TIAM1: variants seen among roughly 807,000 people sequenced by gnomAD.
TIAM1 encodes rho guanine nucleotide exchange factor TIAM1.
Under a neutral mutation model 163.5 loss-of-function variants are expected in TIAM1, and 65 were observed. The observed-to-expected ratio is 0.40, with a 90% CI of 0.33 to 0.49. TIAM1 has a LOEUF of 0.49. TIAM1 is among the 20% of genes least tolerant of loss of function. The pLI, the probability that TIAM1 is intolerant of heterozygous loss-of-function variation, is 0.77. For synonymous variants in TIAM1, 833 were observed against 810.1 expected, an observed-to-expected ratio of 1.03 and a Z score of -0.48; for missense variants, 1,789 against 2,044.7, an observed-to-expected ratio of 0.87 and a Z score of 2.41.
intron 1 of TIAM1, chr21:31,558,844 A>ACCGAGGCTCCGGGCAT: frequency 6.6e-6 from 1 of 151,936 alleles, no homozygotes; most frequent in South Asian, 2.1e-4. Context: ...CGGCACGGGC[A>ACCGAGGCTCCGGGCAT]CCGAGGCTCC....
intron 2 of TIAM1, among the ~76,000 whole-genome samples, chr21:31,328,258 C>G (rs1373777962): frequency 4.6e-5 from 7 of 152,172 alleles, no homozygotes; most frequent in Non-Finnish European, 7.3e-5. Flanking sequence ...GTCGCCATTC[C>G]CTATCCACGG....
At chr21:31,182,958 T>G (rs1260185794) in intron 14 of TIAM1, among the ~76,000 whole-genome samples, 1 of 152,196 alleles carries the variant, frequency 6.6e-6, no homozygotes, top group Non-Finnish European at 1.5e-5. Flanking sequence ...CCGGTTATCT[T>G]CCTACACTTT....
chr21:31,142,053 C>T (rs956104533), intron 20 of TIAM1, among the ~76,000 whole-genome samples: 3 of 152,092 alleles, frequency 2.0e-5, no homozygotes, highest in African/African-American at 7.2e-5. Flanking sequence ...CCGGCCTCCC[C>T]AGTTCCTTCC....
chr21:31,241,650 T>C (rs1177317433), intron 6 of TIAM1, among the ~76,000 whole-genome samples: 1 of 152,120 alleles, frequency 6.6e-6, no homozygotes, highest in African/African-American at 2.4e-5. Context: ...GCCACATTTA[T>C]ATTATTTTAA....
At chr21:31,421,380 C>T (rs1037638764) in intron 2 of TIAM1, among the ~76,000 whole-genome samples, 3 of 152,058 alleles carry the variant, frequency 2.0e-5, no homozygotes, top group East Asian at 1.9e-4. Context: ...GGCTGCTGAC[C>T]GATACCAGTC....
At chr21:31,261,884 T>G (rs1450612319) in intron 4 of TIAM1, among the ~76,000 whole-genome samples, 1 of 152,136 alleles carries the variant, frequency 6.6e-6, no homozygotes, top group Non-Finnish European at 1.5e-5. Context: ...GCTGGTCTCC[T>G]GAGGCTGAGG....
intron 2 of TIAM1, among the ~76,000 whole-genome samples, chr21:31,315,679 CAAAAAAA>C (rs58560437): frequency 2.5e-5 from 2 of 80,250 alleles, no homozygotes; most frequent in South Asian, 4.1e-4. Flanking sequence ...AACTCCATCT[CAAAAAAA>C]AAAAAAAAAA....
At chr21:31,449,425 C>A (rs1444014098) in intron 2 of TIAM1, among the ~76,000 whole-genome samples, 1 of 152,128 alleles carries the variant, frequency 6.6e-6, no homozygotes, top group Non-Finnish European at 1.5e-5. Context: ...GTCTCCCAGG[C>A]TGGAGTACAG....
intron 20 of TIAM1, among the ~76,000 whole-genome samples, chr21:31,145,052 G>A (rs1247195159): frequency 6.6e-6 from 1 of 152,034 alleles, no homozygotes; most frequent in Non-Finnish European, 1.5e-5. Context: ...CTCTAAAATT[G>A]TTACTTTAAC....
At chr21:31,171,035 CAA>C (rs34291568) in intron 15 of TIAM1, among the ~76,000 whole-genome samples, 294 of 19,506 alleles carry the variant, frequency 0.015, no homozygotes, top group East Asian at 0.044. Context: ...GACTCCATCT[CAA>C]AAAAAAAAAA....
chr21:31,141,429 G>A lies in TIAM1; in HGVS notation c.3551C>T (p.Ser1184Leu). 2 of 1,614,218 alleles carry A rather than the reference G, an allele frequency of 1.2e-6. No homozygotes were observed. Among genetic ancestry groups the A allele is most frequent in the Non-Finnish European group, 1.7e-6 (2 of 1,180,040 alleles). Reference protein sequence around the residue: ...PKQQHSSTLESYLIKPIQRIL... With the variant: ...PKQQHSSTLELYLIKPIQRIL... Reference sequence around the variant, plus strand: ...CCTCTGGATGGGCTTGATGAGGTACGACTCCAGCGTGGATGAGTGCTGCTG... The same window carrying A: ...CCTCTGGATGGGCTTGATGAGGTACAACTCCAGCGTGGATGAGTGCTGCTG... Residue 1184 changes from serine to leucine, a missense_variant, in exon 21 of 28, where the codon TCG becomes TTG. Physicochemically the swap from Ser to Leu is moderately radical, Grantham distance 145. Transcript: ENST00000541036. This position sits in a 1 kb window ranked among gnomAD's most constrained non-coding sequence, Gnocchi z 4.7.
intron 2 of TIAM1, among the ~76,000 whole-genome samples, chr21:31,353,584 G>A (rs1041743): frequency 0.74 from 113,011 of 151,918 alleles, 42,160 homozygotes; most frequent in Middle Eastern, 0.79. Flanking sequence ...CCTCATGACA[G>A]CTCAGCAAGG....
intron 1 of TIAM1, among the ~76,000 whole-genome samples, chr21:31,543,959 C>G (rs182197414): frequency 6.6e-6 from 1 of 152,312 alleles, no homozygotes; most frequent in East Asian, 1.9e-4. Context: ...GCCTGTAATT[C>G]CAGGACTTTG....
intron 2 of TIAM1, among the ~76,000 whole-genome samples, chr21:31,362,915 A>AT (rs1478149012): frequency 2.0e-5 from 3 of 151,750 alleles, no homozygotes; most frequent in South Asian, 4.2e-4. Flanking sequence ...TCTGATGGGT[A>AT]TTTTTTTTGC....
intron 15 of TIAM1, among the ~76,000 whole-genome samples, chr21:31,181,502 G>A (rs543719918): frequency 1.3e-5 from 2 of 151,740 alleles, no homozygotes; most frequent in South Asian, 4.2e-4. Context: ...GGGAGAGGAA[G>A]GAAGGGCAGG....
chr21:31,485,845 A>G (rs2046254505), intron 1 of TIAM1, among the ~76,000 whole-genome samples: 1 of 152,238 alleles, frequency 6.6e-6, no homozygotes, highest in South Asian at 2.1e-4. Flanking sequence ...TGCTACTAAC[A>G]TTCCTACTTT....
At chr21:31,380,039 G>A (rs563021405) in intron 2 of TIAM1, among the ~76,000 whole-genome samples, 3 of 152,212 alleles carry the variant, frequency 2.0e-5, no homozygotes, top group African/African-American at 7.2e-5. Flanking sequence ...TAAGGCAGGC[G>A]GATCATTTGA....
intron 1 of TIAM1, among the ~76,000 whole-genome samples, chr21:31,485,771 G>A (rs1400864352): frequency 6.6e-6 from 1 of 152,124 alleles, no homozygotes; most frequent in African/African-American, 2.4e-5. Flanking sequence ...ACCACGGCCA[G>A]ATACTGGTCT....
chr21:31,469,664 T>TA (rs1387182557), intron 1 of TIAM1, among the ~76,000 whole-genome samples: 13 of 151,586 alleles, frequency 8.6e-5, no homozygotes, highest in South Asian at 2.1e-4. Flanking sequence ...CCATTTCTAC[T>TA]AAAAAAAGTA....
Sources: gnomAD v4.1 joint callset for allele counts (sites outside exome capture counted in the v4.1 genomes callset) on GRCh38, gnomAD v4.1.1 for gene constraint, Gnocchi (gnomAD v3.1) non-coding constraint, MANE v1.5 for transcripts, NCBI Gene and HGNC (gene_info 2026-07-23, HGNC 2026-07-21) for gene names.